The following DPYSL2 variants were observed in gnomAD, a reference collection of about 807,000 sequenced individuals.
DPYSL2 encodes the protein dihydropyrimidinase like 2.
A neutral mutation model predicts 69.9 loss-of-function variants in DPYSL2; 13 were observed. That is an observed-to-expected ratio of 0.19 (90% CI 0.12 to 0.30). The LOEUF is 0.30. Among genes scored for constraint, DPYSL2 ranks in the 10% least tolerant of loss-of-function variants. DPYSL2 has a pLI of 1.00. For missense variants in DPYSL2, 587 were observed against 918.9 expected, an observed-to-expected ratio of 0.64 and a Z score of 4.67; for synonymous variants, 326 against 359.1, an observed-to-expected ratio of 0.91 and a Z score of 1.04.
Position 26,626,530 on chromosome 8 carries a change from C to A in DPYSL2, c.794-87C>A. ...ACACACACACACACACACGTACACA[C>A]ACAGACAGTATTATCACTTTCTTAT... On this transcript the variant is annotated intron_variant, in intron 4 of 13. Transcript: ENST00000521913. This position sits in a 1 kb window ranked among gnomAD's most constrained non-coding sequence, Gnocchi z 4.3. 1 of 1,183,908 alleles carries A rather than the reference C, an allele frequency of 8.4e-7. No individual in the cohort carries two copies. The highest frequency in any genetic ancestry group is 1.2e-6 in the Non-Finnish European group (1 of 801,728). The allele number at this position is 1,183,908 out of a possible 1,614,324, so 73.3% of individuals were successfully genotyped here.
intron 1 of DPYSL2, among the ~76,000 whole-genome samples, chr8:26,549,200 T>TTAATAATAGTAATAA (rs1800832462): frequency 6.8e-6 from 1 of 146,398 alleles, no homozygotes; most frequent in Non-Finnish European, 1.5e-5. Context: ...AAAAATTAAG[T>TTAATAATAGTAATAA]TAATAATAAT....
rs1441631912 is a variant in DPYSL2 at position 26,650,430 on chromosome 8, T to G, written c.1597-1827T>G. Reference sequence around the variant, plus strand: ...AGGCCTTAAAGGATGACTCACACCCTTTCAAAGGTTGTTTCTGAGATGACC... The same window carrying G: ...AGGCCTTAAAGGATGACTCACACCCGTTCAAAGGTTGTTTCTGAGATGACC... On this transcript the variant is annotated intron_variant, in intron 11 of 13. Coordinates refer to ENST00000521913, the MANE Select transcript of DPYSL2 (RefSeq NM_001197293.3). The surrounding 1 kb of genome is among the most constrained non-coding windows in gnomAD (Gnocchi z 5.3). Among the ~76,000 whole-genome samples, 1 of 152,236 alleles carries G rather than the reference T, an allele frequency of 6.6e-6. No individual in the cohort carries two copies. The highest frequency in any genetic ancestry group is 1.5e-5 in the Non-Finnish European group (1 of 68,042).
intron 3 of DPYSL2, among the ~76,000 whole-genome samples, chr8:26,623,451 G>T (rs1472630719): frequency 2.0e-5 from 3 of 152,170 alleles, no homozygotes; most frequent in Non-Finnish European, 4.4e-5. Flanking sequence ...AGAAATTAGG[G>T]CAGTGGAGAT....
chr8:26,601,677 C>T (rs1231164902), intron 3 of DPYSL2, among the ~76,000 whole-genome samples: 1 of 152,194 alleles, frequency 6.6e-6, no homozygotes, highest in Non-Finnish European at 1.5e-5. Flanking sequence ...GCGCCTGGGC[C>T]CTCTCTTATA....
At position 26,614,030 on chromosome 8, in the gene DPYSL2, T is replaced by C. The variant is rs1203132160; in HGVS notation, c.629-10113T>C. 1.3e-5 allele frequency among the ~76,000 whole-genome samples: 2 copies of C among 152,012 alleles called. No individual in the cohort carries two copies. ...CTGTGGTCCCAGCTACTCGGGAGGT[T>C]GAGGTGGGAGGATCGCTTGAGTCCT... is the stretch of plus-strand genomic sequence containing the variant. On this transcript the variant is annotated intron_variant, in intron 3 of 13. Coordinates refer to ENST00000521913, the MANE Select transcript of DPYSL2 (RefSeq NM_001197293.3). This position sits in a 1 kb window ranked among gnomAD's most constrained non-coding sequence, Gnocchi z 4.9.
At chr8:26,525,033 T>C (rs1018802149) in intron 1 of DPYSL2, among the ~76,000 whole-genome samples, 2 of 152,144 alleles carry the variant, frequency 1.3e-5, no homozygotes, top group Non-Finnish European at 2.9e-5. Context: ...CTACATATTT[T>C]TTCTTAGTTT....
rs199833650 is a variant in DPYSL2, at chr8:26,655,694, C to T, written c.2022C>T (p.Thr674=). The change falls in exon 14 of 14, where the codon ACC becomes ACT. Residue 674 remains threonine, a synonymous_variant. Transcript: ENST00000521913. ...VAPPGGRANI[T]SLG is the part of the protein sequence containing the mutation. ...CCCCCGGTGGCCGTGCCAACATCAC[C>T]AGCCTGGGCTAGAGCTCCTGGGCTG... 3 of 1,607,530 alleles carry T rather than the reference C, an allele frequency of 1.9e-6. No individual in the cohort carries two copies. The highest frequency in any genetic ancestry group is 2.2e-5 in the East Asian group (1 of 44,856).
At chr8:26,607,785 A>G (rs1802138243) in intron 3 of DPYSL2, among the ~76,000 whole-genome samples, 1 of 146,424 alleles carries the variant, frequency 6.8e-6, no homozygotes, top group South Asian at 2.1e-4. Flanking sequence ...TGTCAAAAAG[A>G]AAAAAAAAAA....
chr8:26,622,405 T>G (rs972228042), intron 3 of DPYSL2, among the ~76,000 whole-genome samples: 1 of 151,836 alleles, frequency 6.6e-6, no homozygotes, highest in African/African-American at 2.4e-5. Flanking sequence ...TACAAAAAAG[T>G]AAATTTTGTC....
At chr8:26,601,317 C>T (rs763061604) in intron 3 of DPYSL2, among the ~76,000 whole-genome samples, 11 of 152,118 alleles carry the variant, frequency 7.2e-5, no homozygotes, top group African/African-American at 2.7e-4. Flanking sequence ...CATCTGGCTC[C>T]GGGGCCAGCA....
intron 3 of DPYSL2, among the ~76,000 whole-genome samples, chr8:26,590,427 TCGGCC>T (rs1188133384): frequency 3.9e-5 from 6 of 151,984 alleles, no homozygotes; most frequent in East Asian, 3.9e-4. Flanking sequence ...TGCGTGAATC[TCGGCC>T]TTGAACGGCT....
intron 1 of DPYSL2, among the ~76,000 whole-genome samples, chr8:26,524,014 T>G (rs1808435103): frequency 6.6e-6 from 1 of 152,250 alleles, no homozygotes; most frequent in Admixed American, 6.5e-5. Context: ...AGACCTTGCT[T>G]TCAATTCTTT....
intron 1 of DPYSL2, among the ~76,000 whole-genome samples, chr8:26,568,351 T>A (rs1801184776): frequency 6.6e-6 from 1 of 152,208 alleles, no homozygotes; most frequent in Non-Finnish European, 1.5e-5. Flanking sequence ...TACAGCGTTG[T>A]ACTACAAGAG....
intron 7 of DPYSL2, among the ~76,000 whole-genome samples, chr8:26,631,623 G>A (rs1280104101): frequency 1.3e-5 from 2 of 152,200 alleles, no homozygotes; most frequent in East Asian, 3.9e-4. Flanking sequence ...AGAATCCCCA[G>A]CAACTGATTA....
At chr8:26,602,050 C>T (rs1302228863) in intron 3 of DPYSL2, among the ~76,000 whole-genome samples, 1 of 150,956 alleles carries the variant, frequency 6.6e-6, no homozygotes, top group Non-Finnish European at 1.5e-5. Context: ...CTTTTTATGA[C>T]TTTTGTTGTA....
chr8:26,523,653 T>C (rs1808427377), intron 1 of DPYSL2, among the ~76,000 whole-genome samples: 2 of 151,750 alleles, frequency 1.3e-5, no homozygotes, highest in African/African-American at 4.9e-5. Flanking sequence ...AGAATTTCCT[T>C]ACTTTTTTTT....
At chr8:26,577,940 C>T (rs1801394463) in intron 1 of DPYSL2, 2 of 1,211,604 alleles carry the variant, frequency 1.7e-6, no homozygotes, top group Non-Finnish European at 2.1e-6. Flanking sequence ...TGAACCGAGG[C>T]TTTTATTGCT....
intron 1 of DPYSL2, among the ~76,000 whole-genome samples, chr8:26,532,736 T>C (rs149742081): frequency 7.0e-4 from 107 of 152,370 alleles, no homozygotes; most frequent in African/African-American, 2.5e-3. Flanking sequence ...AATTCCATTG[T>C]ATGGATATAA....
chr8:26,612,744 G>A (rs957342094), intron 3 of DPYSL2, among the ~76,000 whole-genome samples: 17 of 152,230 alleles, frequency 1.1e-4, no homozygotes, highest in African/African-American at 3.9e-4. Flanking sequence ...TGACAGAAAA[G>A]GATTTAGGGA....
Sources: allele counts gnomAD v4.1 joint callset (sites outside exome capture counted in the v4.1 genomes callset), GRCh38; gene constraint gnomAD v4.1.1; non-coding constraint Gnocchi (gnomAD v3.1); transcripts MANE v1.5; gene names NCBI Gene and HGNC (gene_info 2026-07-23, HGNC 2026-07-21).